DHX38: variants seen among roughly 807,000 people sequenced by gnomAD.
DHX38 encodes pre-mRNA-splicing factor ATP-dependent RNA helicase PRP16.
A neutral mutation model predicts 153.1 loss-of-function variants in DHX38; 100 were observed. The observed-to-expected ratio is 0.65, with a 90% CI of 0.56 to 0.77. The LOEUF (loss-of-function observed/expected upper bound fraction) is 0.77, where lower values mean the gene tolerates loss of function less well. DHX38 is among the 30% of genes least tolerant of loss of function. DHX38 has a pLI of 0.00. For synonymous variants in DHX38, 650 were observed against 631.7 expected (o/e 1.03, Z -0.43); for missense variants, 1,440 against 1,654.0 (o/e 0.87, Z 2.24).
chr16:72,104,669 G>C lies in DHX38; in HGVS notation c.2151+43G>C, dbSNP rs756477422. The C allele has an allele frequency of 1.2e-6, 2 of 1,611,918 alleles. No individual in the cohort carries two copies. The highest frequency in any genetic ancestry group is 2.7e-5 in the African/African-American group (2 of 75,024). On this transcript the variant is annotated intron_variant, in intron 15 of 26. Coordinates refer to ENST00000268482, the MANE Select transcript of DHX38 (RefSeq NM_014003.4). This position sits in a 1 kb window ranked among gnomAD's most constrained non-coding sequence, Gnocchi z 4.5. ...TTACGAACTGACCCTTCCATGCCAC[G>C]CACTTCTCTGATGCGAAGCCGGCTG...
Position 72,104,866 on chromosome 16 carries a change from C to T in DHX38, c.2152-161C>T, listed in dbSNP as rs1044159706. Among the ~76,000 whole-genome samples, 14 of 152,132 alleles carry T rather than the reference C, an allele frequency of 9.2e-5. No homozygotes were observed. Among genetic ancestry groups the T allele is most frequent in the African/African-American group, 3.4e-4 (14 of 41,410 alleles). On this transcript the variant is annotated intron_variant, in intron 15 of 26. Transcript: ENST00000268482. The surrounding 1 kb of genome is among the most constrained non-coding windows in gnomAD (Gnocchi z 4.5). ...TACAGGGCCCAGGGAGGCACTGTGC[C>T]CTCTTGTAGAGGCCTCGCAGTCAGG...
At position 72,100,468 on chromosome 16, in the gene DHX38, C is replaced by T. The variant is rs529200300; in HGVS notation, c.1149C>T (p.Leu383=). The T allele has an allele frequency of 1.1e-5, 17 of 1,614,108 alleles. No homozygotes were observed. In the South Asian group the frequency reaches 1.8e-4, roughly 17 times the overall value. ...AGCGCTGGGAGACAAACCGCATGCT[C>T]ACCAGTGGGGTGGTCCATCGGCTGG... ...DNERWETNRM[L]TSGVVHRLEV... is the part of the protein sequence containing the mutation. Residue 383 remains leucine, a synonymous_variant, in exon 9 of 27, where the codon CTC becomes CTT. Coordinates refer to ENST00000268482, the MANE Select transcript of DHX38 (RefSeq NM_014003.4).
chr16:72,097,723 A>C lies in DHX38; in HGVS notation c.558A>C (p.Gly186=). The part of the protein sequence containing the change: ...SRHSSRSERD[G]GSERSSRRNE... ...ACAGCAGCAGATCAGAGCGAGATGG[A>C]GGGTCAGAGCGTAGCAGCAGAAGAA... The change falls in exon 4 of 27, where the codon GGA becomes GGC. Residue 186 remains glycine (G), a synonymous_variant. Coordinates refer to ENST00000268482, the MANE Select transcript of DHX38 (RefSeq NM_014003.4). The C allele has an allele frequency of 6.2e-7, 1 of 1,614,092 alleles. No homozygotes were observed. The highest frequency in any genetic ancestry group is 1.1e-5 in the South Asian group (1 of 91,072).
At chr16:72,108,120 T>C (rs2042205437) in intron 21 of DHX38, 107 bp from the exon 22 acceptor site, 2 of 1,307,022 alleles carry the variant, frequency 1.5e-6, no homozygotes, top group Non-Finnish European at 2.1e-6. Context: ...TATTGACATG[T>C]TTGAAGTTCT....
chr16:72,108,847 G>T lies in DHX38; in HGVS notation c.3303G>T (p.Leu1101Phe), dbSNP rs1490302891. 6.2e-7 allele frequency: 1 copy of T among 1,614,082 alleles called. No individual in the cohort carries two copies. The highest frequency in any genetic ancestry group is 1.7e-5 in the Admixed American group (1 of 59,992). Reference protein sequence around the residue: ...VNIRTGMPCHLHPTSSLFGMG... With the variant: ...VNIRTGMPCHFHPTSSLFGMG... ...TCCGCACAGGGATGCCCTGCCACTT[G>T]CACCCCACCAGCTCCCTTTTTGGAA... The change falls in exon 24 of 27, where the codon TTG (leucine) becomes TTT (phenylalanine). Residue 1101 changes from leucine (L) to phenylalanine (F), a missense_variant. Leu to Phe is a conservative substitution (Grantham distance 22). This residue lies in a region of DHX38 where 543 missense variants were observed against 717.9 expected (regional missense o/e 0.76). Transcript: ENST00000268482.
rs2042195939 is a variant in DHX38 at position 72,107,578 on chromosome 16, C to A, written c.2809+30C>A. ...GGCGGCCCCGGGAGCCTCATGGGTG[C>A]TGGCGCTTGACTTCCTTCTTTCCTC... On this transcript the variant is annotated intron_variant, in intron 20 of 26. Transcript: ENST00000268482. This position sits in a 1 kb window ranked among gnomAD's most constrained non-coding sequence, Gnocchi z 5.3. 1.2e-6 allele frequency: 2 copies of A among 1,609,422 alleles called. No individual in the cohort carries two copies. The highest frequency in any genetic ancestry group is 1.1e-5 in the South Asian group (1 of 90,936).
At position 72,112,476 on chromosome 16, in the gene DHX38, G is replaced by A. The variant is rs765621752; in HGVS notation, c.3663G>A (p.Thr1221=). The A allele has an allele frequency of 2.2e-5, 36 of 1,611,964 alleles. No homozygotes were observed. The highest frequency in any genetic ancestry group is 9.3e-5 in the African/African-American group (7 of 74,926). The change falls in exon 27 of 27, where the codon ACG becomes ACA. Residue 1221 remains threonine (T), a synonymous_variant. Transcript: ENST00000268482. The part of the protein sequence containing the change: ...EQGEPMTPRR[T]PARFGL ...GGGAGCCCATGACCCCTCGCCGCACGCCAGCCCGCTTTGGTCTGTGAGCTG... is the reference window on the plus strand; with the variant it reads ...GGGAGCCCATGACCCCTCGCCGCACACCAGCCCGCTTTGGTCTGTGAGCTG...
chr16:72,101,004 T>G, intron 9 of DHX38, 82 bp from the exon 10 acceptor site: 1 of 1,326,742 alleles, frequency 7.5e-7, no homozygotes, highest in South Asian at 1.2e-5. Flanking sequence ...AGGGTAGCAG[T>G]CCCTTTCACA....
At chr16:72,094,773 T>A (rs555153205) in intron 1 of DHX38, among the ~76,000 whole-genome samples, 1 of 152,378 alleles carries the variant, frequency 6.6e-6, no homozygotes, top group Admixed American at 6.5e-5. Flanking sequence ...ATTCATTTTT[T>A]AATTTATCAA....
intron 1 of DHX38, 38 bp from the exon 2 acceptor site, chr16:72,096,101 A>G: frequency 1.3e-6 from 2 of 1,541,912 alleles, no homozygotes; most frequent in Non-Finnish European, 1.8e-6. Context: ...AGTAGAGCTG[A>G]GCCTTCTCTA....
chr16:72,105,292 G>A lies in DHX38; in HGVS notation c.2323G>A (p.Val775Met). The change falls in exon 17 of 27, where the codon GTG (valine) becomes ATG (methionine). Residue 775 changes from valine to methionine, a missense_variant. Physicochemically the swap from Val to Met is conservative, Grantham distance 21 (BLOSUM62 1). Coordinates refer to ENST00000268482, the MANE Select transcript of DHX38 (RefSeq NM_014003.4). ...ACTGGAGAACGCGCCTGCCCTGGCT[G>A]TGCTGCCCATCTACTCTCAGCTGCC... ...EELENAPALA[V>M]LPIYSQLPSD... is the part of the protein sequence containing the mutation. 6.2e-7 allele frequency: 1 copy of A among 1,614,178 alleles called. No individual in the cohort carries two copies. Among genetic ancestry groups the A allele is most frequent in the Non-Finnish European group, 8.5e-7 (1 of 1,180,042 alleles).
chr16:72,109,705 A>C (rs1488347980), intron 25 of DHX38, 195 bp downstream of exon 25: 8 of 474,376 alleles, frequency 1.7e-5, no homozygotes, highest in Non-Finnish European at 2.9e-5. Context: ...GCCTTTAAAA[A>C]CAAAACCAAA....
chr16:72,104,429 G>C lies in DHX38; in HGVS notation c.2011-57G>C. On this transcript the variant is annotated intron_variant, in intron 14 of 26. Transcript: ENST00000268482. The surrounding 1 kb of genome is among the most constrained non-coding windows in gnomAD (Gnocchi z 4.5). ...CTCGGGGGTGGTGCTGATGGGACTG[G>C]GGGACAGGAGCCAAGGGTCCCCACC... The C allele has an allele frequency of 1.9e-6, 3 of 1,603,280 alleles. No homozygotes were observed. The highest frequency in any genetic ancestry group is 1.7e-5 in the Admixed American group (1 of 59,712).
Position 72,105,211 on chromosome 16 carries a change from AGCTCCT to A in DHX38, c.2263-20_2263-15del, listed in dbSNP as rs768389966. ...AGAGGTTAGGGTTCCAGTGTCTCAC[AGCTCCT>A]CCCTGGGCTCTCAGGTGACCTCAGA... On this transcript the variant is annotated splice_polypyrimidine_tract_variant and intron_variant, in intron 16 of 26. Transcript: ENST00000268482. 1.4e-5 allele frequency: 23 copies of A among 1,613,890 alleles called. No individual in the cohort carries two copies. The highest frequency in any genetic ancestry group is 1.7e-5 in the Non-Finnish European group (20 of 1,179,866).
chr16:72,108,966 G>A (rs1437946779), intron 24 of DHX38, 41 bp downstream of exon 24: 10 of 1,549,564 alleles, frequency 6.5e-6, no homozygotes, highest in Non-Finnish European at 8.7e-6. Context: ...CAGGCCCCCT[G>A]TCTGGCCAGG....
At position 72,108,496 on chromosome 16, in the gene DHX38, C is replaced by G; in HGVS notation, c.3144C>G (p.Leu1048=). 6.2e-7 allele frequency: 1 copy of G among 1,614,184 alleles called. No homozygotes were observed. The change falls in exon 23 of 27, where the codon CTC becomes CTG. Residue 1048 remains leucine, a synonymous_variant. Coordinates refer to ENST00000268482, the MANE Select transcript of DHX38 (RefSeq NM_014003.4). ...AGGTCCGGGAGGTGCGAGCTCAACT[C>G]AAGGACATCATGGTGCAGCAGCGGA... ...MRKVREVRAQ[L]KDIMVQQRMS... is the part of the protein sequence containing the mutation.
Position 72,108,600 on chromosome 16 carries a change from A to G in DHX38, c.3248A>G (p.Lys1083Arg), listed in dbSNP as rs779617041. 6.2e-7 allele frequency: 1 copy of G among 1,613,744 alleles called. No homozygotes were observed. The change falls in exon 23 of 27, where the codon AAG (lysine) becomes AGG (arginine). Residue 1083 changes from lysine to arginine, a missense_variant. Coordinates refer to ENST00000268482, the MANE Select transcript of DHX38 (RefSeq NM_014003.4). ...ICAAYFHQAAKLKGIGEYVNI... is the reference protein window; with the variant it reads ...ICAAYFHQAARLKGIGEYVNI... Reference sequence around the variant, plus strand: ...GCTGCCTATTTCCACCAAGCAGCCAAGCTCAAGGTGAACCCAGGAGCCCAG... The same window carrying G: ...GCTGCCTATTTCCACCAAGCAGCCAGGCTCAAGGTGAACCCAGGAGCCCAG...
chr16:72,109,856 T>A (rs1454396255), intron 25 of DHX38: 3 of 163,346 alleles, frequency 1.8e-5, no homozygotes, highest in Non-Finnish European at 3.9e-5. Flanking sequence ...CACACATCCA[T>A]TTTTTTTTTC....
chr16:72,108,109 C>A, intron 21 of DHX38, 118 bp from the exon 22 acceptor site: 1 of 1,218,484 alleles, frequency 8.2e-7, no homozygotes, highest in Non-Finnish European at 1.1e-6. Context: ...TCAGGGCAAC[C>A]TATTGACATG....
Sources: allele counts gnomAD v4.1 joint callset (sites outside exome capture counted in the v4.1 genomes callset), GRCh38; gene constraint gnomAD v4.1.1; regional missense constraint gnomAD v4.1.1; non-coding constraint Gnocchi (gnomAD v3.1); transcripts MANE v1.5; gene names NCBI Gene and HGNC (gene_info 2026-07-23, HGNC 2026-07-21).